Variants in ZFYVE9 observed in about 807,000 individuals in gnomAD.
The protein encoded by ZFYVE9 is zinc finger FYVE-type containing 9, also known as zinc finger FYVE domain-containing protein 9.
In ZFYVE9, 43 loss-of-function variants were observed where a neutral mutation model predicts 126.7. That is an observed-to-expected ratio of 0.34 (90% CI 0.27 to 0.44). ZFYVE9 has a LOEUF of 0.44. Ranked by LOEUF, ZFYVE9 falls within the 20% of genes least tolerant of loss-of-function variation. ZFYVE9 has a pLI of 1.00. For synonymous variants in ZFYVE9, 521 were observed against 597.4 expected, an observed-to-expected ratio of 0.87 and a Z score of 1.87; for missense variants, 1,476 against 1,697.0, an observed-to-expected ratio of 0.87 and a Z score of 2.29.
At chr1:52,262,990 C>G (rs1267028211) in intron 4 of ZFYVE9, among the ~76,000 whole-genome samples, 1 of 149,722 alleles carries the variant, frequency 6.7e-6, no homozygotes, top group Non-Finnish European at 1.5e-5. Context: ...GCAGAAGAAT[C>G]ACTTGAACCC....
chr1:52,208,182 A>G (rs1037233124), intron 1 of ZFYVE9, among the ~76,000 whole-genome samples: 3 of 152,106 alleles, frequency 2.0e-5, no homozygotes, highest in Admixed American at 2.0e-4. Flanking sequence ...AATAAAATAA[A>G]TAATAGAACA....
intron 12 of ZFYVE9, among the ~76,000 whole-genome samples, chr1:52,297,852 A>G (rs960508099): frequency 7.9e-5 from 12 of 151,380 alleles, no homozygotes; most frequent in African/African-American, 2.4e-4. Flanking sequence ...CCTCCCCAGT[A>G]GCTGGAATTA....
chr1:52,342,703 C>T (rs1473291857), intron 17 of ZFYVE9, among the ~76,000 whole-genome samples: 1 of 151,466 alleles, frequency 6.6e-6, no homozygotes, highest in Non-Finnish European at 1.5e-5. Flanking sequence ...ACCCAGCTAA[C>T]TTTTGTATTT....
intron 2 of ZFYVE9, among the ~76,000 whole-genome samples, chr1:52,223,118 G>T (rs569118879): frequency 5.3e-5 from 8 of 152,252 alleles, no homozygotes; most frequent in African/African-American, 1.9e-4. Flanking sequence ...TTTATCAGGG[G>T]CTCTTGGTGG....
At chr1:52,155,234 CTTTTT>C in intron 1 of ZFYVE9, among the ~76,000 whole-genome samples, 1 of 129,108 alleles carries the variant, frequency 7.7e-6, no homozygotes, top group East Asian at 2.2e-4. Context: ...TCTTTTTTTT[CTTTTT>C]TTTTTTTTTT....
chr1:52,201,703 C>T (rs981257512), intron 1 of ZFYVE9, among the ~76,000 whole-genome samples: 13 of 151,640 alleles, frequency 8.6e-5, no homozygotes, highest in South Asian at 4.2e-4. Context: ...TGATGCATTC[C>T]GACAGTCTGT....
chr1:52,285,206 A>G (rs1645846036), intron 10 of ZFYVE9, among the ~76,000 whole-genome samples: 1 of 152,220 alleles, frequency 6.6e-6, no homozygotes, highest in Non-Finnish European at 1.5e-5. Context: ...TTAAAAACAC[A>G]GATATATTAT....
At chr1:52,319,537 T>C (rs895233893) in intron 13 of ZFYVE9, among the ~76,000 whole-genome samples, 1 of 151,308 alleles carries the variant, frequency 6.6e-6, no homozygotes, top group African/African-American at 2.4e-5. Context: ...GGCAGGAGAA[T>C]CACTTGAACA....
chr1:52,181,281 C>T (rs1336658771), intron 1 of ZFYVE9, among the ~76,000 whole-genome samples: 2 of 152,244 alleles, frequency 1.3e-5, no homozygotes, highest in African/African-American at 4.8e-5. Context: ...GACGGGGTTT[C>T]GCTGGGTTGG....
intron 15 of ZFYVE9, among the ~76,000 whole-genome samples, chr1:52,335,368 G>A (rs1383569875): frequency 1.3e-5 from 2 of 152,170 alleles, no homozygotes; most frequent in East Asian, 1.9e-4. Context: ...GCTTCATGAT[G>A]TTTGGAGTCT....
intron 7 of ZFYVE9, among the ~76,000 whole-genome samples, chr1:52,268,878 T>A (rs545346123): frequency 6.6e-6 from 1 of 152,216 alleles, no homozygotes; most frequent in South Asian, 2.1e-4. Flanking sequence ...TGCTCCACTT[T>A]AGCTAGCAGT....
At chr1:52,325,195 TG>T (rs1249913351) in intron 13 of ZFYVE9, among the ~76,000 whole-genome samples, 6 of 151,626 alleles carry the variant, frequency 4.0e-5, no homozygotes, top group African/African-American at 1.5e-4. Context: ...AGGAGAATGG[TG>T]TGAACCCGGG....
At chr1:52,186,921 T>C (rs1310238352) in intron 1 of ZFYVE9, among the ~76,000 whole-genome samples, 1 of 152,128 alleles carries the variant, frequency 6.6e-6, no homozygotes, top group Non-Finnish European at 1.5e-5. Flanking sequence ...TTCAATGATA[T>C]TCCTATCAAA....
chr1:52,302,395 T>A (rs1414416569), intron 12 of ZFYVE9, among the ~76,000 whole-genome samples: 1 of 152,336 alleles, frequency 6.6e-6, no homozygotes, highest in East Asian at 1.9e-4. Context: ...TCTTTAACTT[T>A]TATCATTTGT....
At chr1:52,181,306 A>T (rs1441233599) in intron 1 of ZFYVE9, among the ~76,000 whole-genome samples, 1 of 152,202 alleles carries the variant, frequency 6.6e-6, no homozygotes, top group Non-Finnish European at 1.5e-5. Flanking sequence ...GCTGGTCTCC[A>T]GCTCCTAACT....
At chr1:52,180,975 C>CAAAA (rs746468501) in intron 1 of ZFYVE9, among the ~76,000 whole-genome samples, 1 of 53,296 alleles carries the variant, frequency 1.9e-5, no homozygotes, top group Non-Finnish European at 3.8e-5. Flanking sequence ...AACTCCGTCT[C>CAAAA]AAAAAAAAAA....
At position 52,231,994 on chromosome 1, in the gene ZFYVE9, ATCATTGACACTTATATACC is replaced by A. The variant is rs1645227344; in HGVS notation, c.-36-1173_-36-1155del. ...TTCTTATTTGTAAAATGAGGGAAAT[ATCATTGACACTTATATACC>A]TCAGAGAAGAAGAAACACTACCTTA... On this transcript the variant is annotated intron_variant, in intron 2 of 18. Coordinates refer to ENST00000287727, the MANE Select transcript of ZFYVE9 (RefSeq NM_004799.4). Among the ~76,000 whole-genome samples the A allele has an allele frequency of 1.3e-5, 2 of 152,214 alleles. 1 individual carries two copies. The highest frequency in any genetic ancestry group is 4.1e-4 in the South Asian group (2 of 4,830).
At chr1:52,340,482 A>T (rs1162025583) in intron 17 of ZFYVE9, among the ~76,000 whole-genome samples, 1 of 152,236 alleles carries the variant, frequency 6.6e-6, no homozygotes, top group Admixed American at 6.5e-5. Flanking sequence ...GAACTCCAGA[A>T]GAGTAGATCT....
chr1:52,293,498 T>A lies in ZFYVE9; in HGVS notation c.3071T>A (p.Phe1024Tyr), dbSNP rs1257951725. 1.9e-6 allele frequency: 3 copies of A among 1,614,134 alleles called. No individual in the cohort carries two copies. The highest frequency in any genetic ancestry group is 3.3e-5 in the Admixed American group (2 of 60,014). Residue 1024 changes from phenylalanine to tyrosine, a missense_variant, in exon 11 of 19, where the codon TTC (phenylalanine) becomes TAC (tyrosine). Transcript: ENST00000287727. The stretch of plus-strand genomic sequence containing the variant: ...GGACATTCCTTCTTCAGTCAAAGTT[T>A]CCTTGGCAGTAAAGAACATGGTGGA... Reference protein sequence around the residue: ...NLGHSFFSQSFLGSKEHGGFL... With the variant: ...NLGHSFFSQSYLGSKEHGGFL...
Sources: gnomAD v4.1 joint callset for allele counts (sites outside exome capture counted in the v4.1 genomes callset) on GRCh38, gnomAD v4.1.1 for gene constraint, MANE v1.5 for transcripts, NCBI Gene and HGNC (gene_info 2026-07-23, HGNC 2026-07-21) for gene names.